Variants in LRCH2 observed in about 807,000 individuals in gnomAD.
LRCH2 encodes leucine rich repeats and calponin homology domain containing 2.
Under a neutral mutation model 68.9 loss-of-function variants are expected in LRCH2, and 38 were observed. The ratio of observed to expected loss-of-function variants is 0.55; its 90% CI spans 0.43 to 0.72. The LOEUF (loss-of-function observed/expected upper bound fraction) is 0.72, where lower values mean the gene tolerates loss of function less well. Ranked by LOEUF, LRCH2 falls within the 30% of genes least tolerant of loss-of-function variation. The pLI is 0.00. For missense variants in LRCH2, 528 were observed against 572.9 expected (o/e 0.92, Z 0.80); for synonymous variants, 191 against 208.1 (o/e 0.92, Z 0.71).
intron 9 of LRCH2, 34 bp from the exon 10 acceptor site, chrX:115,165,497 T>C (rs1269407639): frequency 2.8e-6 from 3 of 1,073,158 alleles, no homozygotes; most frequent in Non-Finnish European, 2.5e-6. Flanking sequence ...TTAAATTGTA[T>C]AGTCCACTTT....
intron 3 of LRCH2, among the ~76,000 whole-genome samples, chrX:115,182,337 A>G (rs1180769276): frequency 8.9e-6 from 1 of 112,082 alleles, no homozygotes; most frequent in African/African-American, 3.2e-5. Context: ...AAACATTAAT[A>G]GTGTTCAAGT....
intron 14 of LRCH2, among the ~76,000 whole-genome samples, chrX:115,133,043 A>G (rs1295542488): frequency 1.8e-5 from 2 of 111,843 alleles, no homozygotes; most frequent in African/African-American, 6.5e-5. Flanking sequence ...AACACAAGAA[A>G]AAAATCCACT....
At chrX:115,124,427 A>G (rs1439428627) in intron 16 of LRCH2, among the ~76,000 whole-genome samples, 2 of 112,265 alleles carry the variant, frequency 1.8e-5, no homozygotes, top group Non-Finnish European at 3.8e-5. Flanking sequence ...TTGTATAGGG[A>G]CTGCAGAATG....
chrX:115,114,834 T>C (rs781858865), intron 20 of LRCH2, among the ~76,000 whole-genome samples: 5 of 110,954 alleles, frequency 4.5e-5, no homozygotes, highest in African/African-American at 1.6e-4. Context: ...AAAACTATTA[T>C]AGAACTAATA....
intron 1 of LRCH2, among the ~76,000 whole-genome samples, chrX:115,206,198 T>A (rs1202590673): frequency 8.9e-6 from 1 of 112,422 alleles, no homozygotes; most frequent in Admixed American, 9.4e-5. Flanking sequence ...ATAAACTATT[T>A]TCTGGATGAT....
At chrX:115,193,408 A>G (rs1351254977) in intron 1 of LRCH2, among the ~76,000 whole-genome samples, 2 of 108,284 alleles carry the variant, frequency 1.8e-5, no homozygotes, top group African/African-American at 6.7e-5. Context: ...TTTTCCCACA[A>G]TTTTTTTTTT....
At chrX:115,154,236 T>C (rs781846548) in intron 12 of LRCH2, among the ~76,000 whole-genome samples, 1 of 111,702 alleles carries the variant, frequency 9.0e-6, no homozygotes, top group African/African-American at 3.2e-5. Context: ...TATCTAATAA[T>C]AGAGCTTCAG....
At chrX:115,176,793 C>G (rs2072652334) in intron 5 of LRCH2, among the ~76,000 whole-genome samples, 1 of 104,440 alleles carries the variant, frequency 9.6e-6, no homozygotes, top group African/African-American at 3.5e-5. Flanking sequence ...GTAGCCCAAG[C>G]TGGAGTGCAG....
At chrX:115,186,225 C>T (rs1288072071) in intron 2 of LRCH2, among the ~76,000 whole-genome samples, 1 of 109,594 alleles carries the variant, frequency 9.1e-6, no homozygotes, top group Non-Finnish European at 1.9e-5. Flanking sequence ...TGGTGACAGG[C>T]GCCTATACTT....
At chrX:115,203,349 C>T (rs1283095048) in intron 1 of LRCH2, among the ~76,000 whole-genome samples, 1 of 112,024 alleles carries the variant, frequency 8.9e-6, no homozygotes, top group African/African-American at 3.3e-5. Context: ...CATTCTGCCA[C>T]AGCCCTTCCC....
intron 1 of LRCH2, among the ~76,000 whole-genome samples, chrX:115,201,518 C>A (rs184156208): frequency 4.1e-4 from 45 of 110,791 alleles, no homozygotes; most frequent in Non-Finnish European, 6.1e-4. Flanking sequence ...AGGAACATAC[C>A]TGAAAAAAAT....
chrX:115,203,600 AAAGGGCCT>A (rs1189866444), intron 1 of LRCH2, among the ~76,000 whole-genome samples: 2 of 112,545 alleles, frequency 1.8e-5, no homozygotes, highest in African/African-American at 6.5e-5. Context: ...GGCCAAAATC[AAAGGGCCT>A]CAGGCCCCAT....
At position 115,126,866 on chromosome X, in the gene LRCH2, T is replaced by G. The variant is rs1556528301; in HGVS notation, c.1768A>C (p.Thr590Pro). 9.2e-7 allele frequency: 1 copy of G among 1,087,560 alleles called. No individual in the cohort carries two copies. The highest frequency in any genetic ancestry group is 1.2e-6 in the Non-Finnish European group (1 of 830,624). The allele number at this position is 1,087,560 out of a possible 1,213,427, so 89.6% of individuals were successfully genotyped here. Reference sequence around the variant, plus strand: ...ACCTCAGATGATACTGGAGATTGTGTTGACATATTAGCATTATCACTGTCT... The same window carrying G: ...ACCTCAGATGATACTGGAGATTGTGGTGACATATTAGCATTATCACTGTCT... Reference protein sequence around the residue: ...EQDSDNANMSTQSPVSSEEYD... With the variant: ...EQDSDNANMSPQSPVSSEEYD... The change falls in exon 16 of 21, where the codon ACA becomes CCA. Residue 590 changes from threonine (T) to proline (P), a missense_variant. By Grantham distance (38) the Thr-to-Pro change is conservative. Coordinates refer to ENST00000317135, the MANE Select transcript of LRCH2 (RefSeq NM_020871.4).
chrX:115,167,253 A>G (rs1410796853), intron 6 of LRCH2, among the ~76,000 whole-genome samples: 2 of 91,509 alleles, frequency 2.2e-5, no homozygotes, highest in Non-Finnish European at 4.4e-5. Flanking sequence ...TTTTTTTTGT[A>G]CTTTTCAGAA....
chrX:115,203,900 A>G (rs797042014), intron 1 of LRCH2, among the ~76,000 whole-genome samples: 3 of 112,303 alleles, frequency 2.7e-5, no homozygotes, highest in Admixed American at 9.4e-5. Context: ...CACTGCCCCA[A>G]TGGGGACTCT....
intron 1 of LRCH2, among the ~76,000 whole-genome samples, chrX:115,207,325 G>T (rs1222214982): frequency 9.0e-6 from 1 of 111,099 alleles, no homozygotes; most frequent in Non-Finnish European, 1.9e-5. Flanking sequence ...GATCATTTGA[G>T]CCCAGGTGTT....
intron 6 of LRCH2, among the ~76,000 whole-genome samples, chrX:115,167,585 T>C: frequency 9.0e-6 from 1 of 111,317 alleles, no homozygotes; most frequent in East Asian, 2.8e-4. Context: ...TGTACTGTGT[T>C]AGATGCACCT....
chrX:115,181,357 T>C (rs1556552608), intron 3 of LRCH2, among the ~76,000 whole-genome samples: 34 of 112,529 alleles, frequency 3.0e-4, no homozygotes, highest in Non-Finnish European at 1.9e-5. Context: ...TAGACTACTA[T>C]TCAAACGATG....
intron 11 of LRCH2, among the ~76,000 whole-genome samples, chrX:115,162,173 G>A (rs1234961631): frequency 3.6e-5 from 4 of 110,250 alleles, no homozygotes; most frequent in Non-Finnish European, 5.7e-5. Flanking sequence ...CACCCACCTC[G>A]GCCTCCCAAA....
Sources: gnomAD v4.1 joint callset for allele counts (sites outside exome capture counted in the v4.1 genomes callset) on GRCh38, gnomAD v4.1.1 for gene constraint, MANE v1.5 for transcripts, NCBI Gene and HGNC (gene_info 2026-07-23, HGNC 2026-07-21) for gene names.